Variants in TRPC4AP observed in about 807,000 individuals in gnomAD.
TRPC4AP encodes transient receptor potential cation channel subfamily C member 4 associated protein.
Under a neutral mutation model 99.0 loss-of-function variants are expected in TRPC4AP, and 45 were observed. The observed-to-expected ratio is 0.45, with a 90% CI of 0.36 to 0.58. The LOEUF (loss-of-function observed/expected upper bound fraction) is 0.58, where lower values mean the gene tolerates loss of function less well. Among genes scored for constraint, TRPC4AP ranks in the 20% least tolerant of loss-of-function variants. The pLI is 0.00. For synonymous variants in TRPC4AP, 408 were observed against 385.8 expected (o/e 1.06, Z -0.67); for missense variants, 879 against 985.3 (o/e 0.89, Z 1.44).
rs1198673333 is a variant in TRPC4AP at position 35,035,156 on chromosome 20, G to A, written c.1018C>T (p.Arg340Ter). The change falls in exon 8 of 19, where the codon CGA becomes TGA. Residue 340 changes from arginine (R) to a stop codon, truncating the protein, a stop_gained. Coordinates refer to ENST00000252015, the MANE Select transcript of TRPC4AP (RefSeq NM_015638.3). LOFTEE classifies it high-confidence loss of function. Reference protein sequence around the residue: ...DNALVLDALMRVANEESEHNQ... With the variant: ...DNALVLDALM ...TGCTCTGACTCCTCATTGGCCACTC[G>A]CATCAGGGCATCTAGCACCAAAGCA... 1 of 1,613,644 alleles carries A rather than the reference G, an allele frequency of 6.2e-7. No individual in the cohort carries two copies. The highest frequency in any genetic ancestry group is 1.7e-5 in the Admixed American group (1 of 59,956).
chr20:35,050,733 A>AC (rs2083676937), intron 5 of TRPC4AP, among the ~76,000 whole-genome samples: 1 of 152,036 alleles, frequency 6.6e-6, no homozygotes, highest in Non-Finnish European at 1.5e-5. Flanking sequence ...ACAAAACAAA[A>AC]AAACCAACAA....
chr20:35,033,615 T>C (rs1342069522), intron 8 of TRPC4AP, among the ~76,000 whole-genome samples: 5 of 152,186 alleles, frequency 3.3e-5, no homozygotes, highest in Non-Finnish European at 7.3e-5. Flanking sequence ...TGTTCTGACC[T>C]TGGGAGAGTT....
chr20:35,031,581 C>T (rs1203505450), intron 8 of TRPC4AP, among the ~76,000 whole-genome samples: 1 of 151,338 alleles, frequency 6.6e-6, no homozygotes, highest in Non-Finnish European at 1.5e-5. Context: ...CTGAGTATTC[C>T]GACTTGGATT....
intron 3 of TRPC4AP, among the ~76,000 whole-genome samples, chr20:35,060,446 C>T (rs1228534406): frequency 1.3e-5 from 2 of 151,714 alleles, no homozygotes; most frequent in Non-Finnish European, 2.9e-5. Context: ...CAAAAATTAG[C>T]CAAGCATGGT....
At chr20:35,075,200 A>T (rs2084440664) in intron 2 of TRPC4AP, among the ~76,000 whole-genome samples, 1 of 151,998 alleles carries the variant, frequency 6.6e-6, no homozygotes, top group Non-Finnish European at 1.5e-5. Context: ...TGATGGGTCT[A>T]GACTCTTTAT....
chr20:35,072,472 A>G (rs1415149523), intron 2 of TRPC4AP, among the ~76,000 whole-genome samples: 1 of 152,174 alleles, frequency 6.6e-6, no homozygotes, highest in Non-Finnish European at 1.5e-5. Flanking sequence ...AGTGTAAGGA[A>G]AGGATCCAGT....
chr20:35,026,832 G>A (rs1157188349), intron 8 of TRPC4AP, among the ~76,000 whole-genome samples: 3 of 151,884 alleles, frequency 2.0e-5, no homozygotes, highest in Admixed American at 2.0e-4. Flanking sequence ...AAATAAAATT[G>A]TTTTCTTAAT....
At chr20:35,058,310 A>G (rs2083892389) in intron 3 of TRPC4AP, among the ~76,000 whole-genome samples, 1 of 152,248 alleles carries the variant, frequency 6.6e-6, no homozygotes, top group African/African-American at 2.4e-5. Context: ...CATATATTCT[A>G]ACAGACATCT....
At chr20:35,009,691 C>T (rs1161061961) in intron 12 of TRPC4AP, among the ~76,000 whole-genome samples, 1 of 152,310 alleles carries the variant, frequency 6.6e-6, no homozygotes, top group Admixed American at 6.5e-5. Context: ...GAAATCATGG[C>T]TCTTGTTGGA....
chr20:35,070,573 G>A (rs2145994282), intron 2 of TRPC4AP, among the ~76,000 whole-genome samples: 1 of 152,198 alleles, frequency 6.6e-6, no homozygotes, highest in Admixed American at 6.5e-5. Context: ...ACTGCGCCCG[G>A]CTAATTTTTT....
intron 1 of TRPC4AP, among the ~76,000 whole-genome samples, chr20:35,082,225 A>G (rs2084666260): frequency 6.6e-6 from 1 of 152,228 alleles, no homozygotes; most frequent in Non-Finnish European, 1.5e-5. Flanking sequence ...GCAGACAAAA[A>G]TTAGTGAGAA....
intron 2 of TRPC4AP, among the ~76,000 whole-genome samples, chr20:35,070,880 AT>A (rs1300838678): frequency 2.0e-5 from 3 of 152,226 alleles, no homozygotes; most frequent in Non-Finnish European, 4.4e-5. Context: ...AGGAAAAAAA[AT>A]CTTACAAGAA....
At chr20:35,080,182 A>G (rs2084595992) in intron 1 of TRPC4AP, among the ~76,000 whole-genome samples, 1 of 152,108 alleles carries the variant, frequency 6.6e-6, no homozygotes, top group African/African-American at 2.4e-5. Context: ...TGAGACCATT[A>G]TGCTAAATCA....
intron 3 of TRPC4AP, 74 bp from the exon 4 acceptor site, chr20:35,057,645 TTCATGGCC>T: frequency 1.6e-6 from 2 of 1,224,266 alleles, no homozygotes; most frequent in South Asian, 2.5e-5. Context: ...GCCATAACCA[TTCATGGCC>T]CATGTATCTG....
chr20:35,064,746 GAAGT>G (rs1286881996), intron 3 of TRPC4AP, among the ~76,000 whole-genome samples: 1 of 152,192 alleles, frequency 6.6e-6, no homozygotes, highest in Non-Finnish European at 1.5e-5. Context: ...TAGAAAAGGT[GAAGT>G]AATTATTATA....
chr20:35,048,068 T>C (rs2083601134), intron 6 of TRPC4AP, among the ~76,000 whole-genome samples: 1 of 152,234 alleles, frequency 6.6e-6, no homozygotes. Flanking sequence ...TTGATTTGCA[T>C]TTCCTTGATT....
At chr20:35,003,367 G>A (rs748938753) in intron 18 of TRPC4AP, 43 bp downstream of exon 18, 57 of 1,602,664 alleles carry the variant, frequency 3.6e-5, no homozygotes, top group Non-Finnish European at 4.6e-5. Flanking sequence ...GAGGCCCTGG[G>A]TCCGCGGCCC....
At position 35,002,669 on chromosome 20, in the gene TRPC4AP, G is replaced by T; in HGVS notation, c.*477C>A. The T allele has an allele frequency of 5.8e-6, 1 of 172,148 alleles. No homozygotes were observed. The highest frequency in any genetic ancestry group is 5.7e-5 in the Admixed American group (1 of 17,398). The allele number at this position is 172,148 out of a possible 1,614,324, so 10.7% of individuals were successfully genotyped here. On this transcript the variant is annotated 3_prime_UTR_variant, in exon 19 of 19. Coordinates refer to ENST00000252015, the MANE Select transcript of TRPC4AP (RefSeq NM_015638.3). ...ACAGGAAAATGAGGCAGAGGGGCAGGCTTGGGGGAAGGCAGCATTCTCTGG... is the reference window on the plus strand; with the variant it reads ...ACAGGAAAATGAGGCAGAGGGGCAGTCTTGGGGGAAGGCAGCATTCTCTGG...
At chr20:35,030,056 A>G (rs2147322204) in intron 8 of TRPC4AP, among the ~76,000 whole-genome samples, 1 of 150,582 alleles carries the variant, frequency 6.6e-6, no homozygotes, top group African/African-American at 2.4e-5. Context: ...AGCCTGACTA[A>G]CATGGAGAAA....
Sources: allele counts gnomAD v4.1 joint callset (sites outside exome capture counted in the v4.1 genomes callset), GRCh38; gene constraint gnomAD v4.1.1; transcripts MANE v1.5; gene names NCBI Gene and HGNC (gene_info 2026-07-23, HGNC 2026-07-21).